Variants in SH3BP5 observed in about 807,000 individuals in gnomAD.
The protein encoded by SH3BP5 is SH3 domain binding protein 5.
SH3BP5 carries 22 observed loss-of-function variants against 43.3 expected under a neutral mutation model. That is an observed-to-expected ratio of 0.51 (90% CI 0.36 to 0.73). The LOEUF (loss-of-function observed/expected upper bound fraction) is 0.73, where lower values mean the gene tolerates loss of function less well. Ranked by LOEUF, SH3BP5 falls within the 30% of genes least tolerant of loss-of-function variation. SH3BP5 has a pLI of 0.00. For synonymous variants in SH3BP5, 255 were observed against 225.8 expected (o/e 1.13, Z -1.16); for missense variants, 529 against 586.9 (o/e 0.90, Z 1.02).
chr3:15,337,032 A>T (rs1007315814), upstream of SH3BP5, among the ~76,000 whole-genome samples: 5 of 150,122 alleles, frequency 3.3e-5, no homozygotes, highest in Non-Finnish European at 7.4e-5. Flanking sequence ...TGCTGGAATT[A>T]TAGGCGTGAG....
At chr3:15,305,017 C>G (rs1003774827) in intron 2 of SH3BP5, among the ~76,000 whole-genome samples, 2 of 150,012 alleles carry the variant, frequency 1.3e-5, no homozygotes, top group African/African-American at 2.5e-5. Flanking sequence ...ACTCAGGAGG[C>G]TGAGGCAGGA....
At chr3:15,335,717 C>A (rs80000893), upstream of SH3BP5, among the ~76,000 whole-genome samples, 21,621 of 152,122 alleles carry the variant, frequency 0.14, 1,804 homozygotes, top group East Asian at 0.33. Flanking sequence ...ACCAATCCCC[C>A]AGGGATATCA....
At chr3:15,317,107 T>A (rs1307389037) in intron 2 of SH3BP5, among the ~76,000 whole-genome samples, 1 of 152,216 alleles carries the variant, frequency 6.6e-6, no homozygotes, top group Non-Finnish European at 1.5e-5. Context: ...CTTCAAAAAT[T>A]CACAATCATT....
chr3:15,259,879 A>T, intron 5 of SH3BP5, 76 bp from the exon 6 acceptor site: 1 of 1,353,726 alleles, frequency 7.4e-7, no homozygotes, highest in South Asian at 1.2e-5. Flanking sequence ...GATGAACAAG[A>T]GGCATCAGCT....
intron 6 of SH3BP5, 183 bp downstream of exon 6, chr3:15,259,578 C>T: frequency 4.2e-6 from 3 of 711,852 alleles, no homozygotes; most frequent in South Asian, 3.1e-5. Context: ...ATGGCAGTTA[C>T]AGAGGTTCAG....
At chr3:15,256,388 G>A in intron 8 of SH3BP5, 85 bp from the exon 9 acceptor site, 1 of 1,406,964 alleles carries the variant, frequency 7.1e-7, no homozygotes, top group Non-Finnish European at 9.8e-7. Flanking sequence ...TCAAAAGTGA[G>A]TATTGACAAT....
intron 2 of SH3BP5, among the ~76,000 whole-genome samples, chr3:15,304,817 A>C (rs1043930176): frequency 6.9e-6 from 1 of 143,914 alleles, no homozygotes; most frequent in Non-Finnish European, 1.5e-5. Context: ...TCTGTCTCAA[A>C]AAAAAAAAAA....
chr3:15,298,123 T>C (rs574586979), intron 3 of SH3BP5, among the ~76,000 whole-genome samples: 1 of 152,114 alleles, frequency 6.6e-6, no homozygotes, highest in African/African-American at 2.4e-5. Flanking sequence ...ACCACAGGCA[T>C]GCACCATCAT....
At chr3:15,281,762 G>T (rs1697136161) in intron 3 of SH3BP5, among the ~76,000 whole-genome samples, 1 of 152,156 alleles carries the variant, frequency 6.6e-6, no homozygotes, top group Non-Finnish European at 1.5e-5. Context: ...CAGCACCTTG[G>T]GAGGCTGAGG....
upstream of SH3BP5, among the ~76,000 whole-genome samples, chr3:15,337,456 T>G (rs958417096): frequency 6.6e-6 from 1 of 152,234 alleles, no homozygotes; most frequent in African/African-American, 2.4e-5. Context: ...ATTTTTGTTC[T>G]GTTTTTTGTT....
chr3:15,280,324 G>A (rs910130067), intron 3 of SH3BP5, among the ~76,000 whole-genome samples: 3 of 151,846 alleles, frequency 2.0e-5, no homozygotes, highest in African/African-American at 7.3e-5. Context: ...CTAGAGAATC[G>A]ACTGGCCAGG....
chr3:15,332,123 A>G (rs761850545), intron 1 of SH3BP5, 148 bp downstream of exon 1: 320 of 1,240,220 alleles, frequency 2.6e-4, no homozygotes, highest in Non-Finnish European at 3.3e-4. Context: ...GATGAAACGG[A>G]GCATACAGAC....
In SH3BP5 at chr3:15,258,833, G is replaced by A. The variant is rs1696321634; in HGVS notation, c.887C>T (p.Ser296Phe). 1.2e-6 allele frequency: 2 copies of A among 1,613,060 alleles called. No individual in the cohort carries two copies. The highest frequency in any genetic ancestry group is 1.7e-6 in the Non-Finnish European group (2 of 1,179,326). The change falls in exon 7 of 9, where the codon TCT becomes TTT. Residue 296 changes from serine (S) to phenylalanine (F), a missense_variant and splice_region_variant. Around this residue, in one of 3 missense-constraint regions of SH3BP5, gnomAD observed 369 missense variants for 384.3 expected, o/e 0.96. Transcript: ENST00000383791. ...ACCCAGTGGAGCCCCTGACTTACCA[G>A]AAATGGCATCAGGCTCAGGTTTGCT... ...PGSKPEPDAI[S>F]VASEAFEDDS...
At chr3:15,331,173 A>G (rs749594953) in intron 1 of SH3BP5, among the ~76,000 whole-genome samples, 9 of 152,266 alleles carry the variant, frequency 5.9e-5, no homozygotes, top group Non-Finnish European at 1.2e-4. Flanking sequence ...CATCATTACT[A>G]TGCAAACAAA....
intron 4 of SH3BP5, among the ~76,000 whole-genome samples, chr3:15,265,560 A>ACACACACC (rs71045145): frequency 7.6e-6 from 1 of 131,698 alleles, no homozygotes; most frequent in Non-Finnish European, 1.7e-5. Flanking sequence ...ACACACACAC[A>ACACACACC]ACCCTCCAGC....
chr3:15,328,466 T>C (rs754505375), intron 2 of SH3BP5, among the ~76,000 whole-genome samples: 2 of 151,136 alleles, frequency 1.3e-5, no homozygotes, highest in African/African-American at 2.4e-5. Flanking sequence ...TGGCAACTCA[T>C]GCCTGTGATC....
chr3:15,263,216 T>A (rs1696516449), intron 4 of SH3BP5, among the ~76,000 whole-genome samples: 1 of 152,218 alleles, frequency 6.6e-6, no homozygotes, highest in South Asian at 2.1e-4. Flanking sequence ...GGTTCCTCGA[T>A]CTAAGTAGCC....
At chr3:15,296,604 A>C (rs1314233673) in intron 3 of SH3BP5, among the ~76,000 whole-genome samples, 1 of 152,152 alleles carries the variant, frequency 6.6e-6, no homozygotes, top group Non-Finnish European at 1.5e-5. Flanking sequence ...AGACATGTAA[A>C]GTAATAACCT....
chr3:15,328,146 C>G (rs996402847), intron 2 of SH3BP5, among the ~76,000 whole-genome samples: 1 of 152,130 alleles, frequency 6.6e-6, no homozygotes, highest in Admixed American at 6.5e-5. Flanking sequence ...TGGCCACCCC[C>G]CTCACACCCT....
Sources: gnomAD v4.1 joint callset for allele counts (sites outside exome capture counted in the v4.1 genomes callset) on GRCh38, gnomAD v4.1.1 for gene constraint, gnomAD v4.1.1 regional missense constraint, MANE v1.5 for transcripts, NCBI Gene and HGNC (gene_info 2026-07-23, HGNC 2026-07-21) for gene names.